The following NRG3 variants were observed in gnomAD, a reference collection of about 807,000 sequenced individuals.
NRG3 encodes the protein neuregulin 3.
A neutral mutation model predicts 66.9 loss-of-function variants in NRG3; 31 were observed. The observed-to-expected ratio is 0.46, with a 90% CI of 0.35 to 0.63. The LOEUF (loss-of-function observed/expected upper bound fraction) is 0.63, where lower values mean the gene tolerates loss of function less well. NRG3 is among the 20% of genes least tolerant of loss of function. NRG3 has a pLI of 0.00. For missense variants in NRG3, 910 were observed against 878.9 expected (o/e 1.04, Z -0.45); for synonymous variants, 393 against 359.4 (o/e 1.09, Z -1.06).
intron 1 of NRG3, among the ~76,000 whole-genome samples, chr10:82,274,864 A>G (rs11193353): frequency 0.29 from 43,828 of 151,790 alleles, 6,490 homozygotes; most frequent in African/African-American, 0.32. Flanking sequence ...ATCAGACAAG[A>G]CAGAATAAAC....
At chr10:82,205,584 T>C (rs1450281053) in intron 1 of NRG3, among the ~76,000 whole-genome samples, 2 of 152,110 alleles carry the variant, frequency 1.3e-5, no homozygotes, top group African/African-American at 4.8e-5. Context: ...AAGTACCAAA[T>C]TCAGGGATAT....
At chr10:82,799,482 C>T (rs1405038461) in intron 3 of NRG3, among the ~76,000 whole-genome samples, 2 of 147,122 alleles carry the variant, frequency 1.4e-5, no homozygotes, top group Admixed American at 7.0e-5. Context: ...GGTGAGATTG[C>T]GCCATTGCAC....
At chr10:82,223,545 A>G (rs1349887443) in intron 1 of NRG3, among the ~76,000 whole-genome samples, 1 of 152,014 alleles carries the variant, frequency 6.6e-6, no homozygotes, top group African/African-American at 2.4e-5. Context: ...ATTTTGAACA[A>G]TGGAAAAAAT....
At chr10:81,877,391 G>A (rs1401452203) in intron 1 of NRG3, among the ~76,000 whole-genome samples, 1 of 152,070 alleles carries the variant, frequency 6.6e-6, no homozygotes, top group Non-Finnish European at 1.5e-5. Flanking sequence ...AAACTGTCTG[G>A]TTATGCTGTC....
At chr10:82,408,633 TTATA>T (rs147352245) in intron 2 of NRG3, among the ~76,000 whole-genome samples, 41 of 122,812 alleles carry the variant, frequency 3.3e-4, no homozygotes, top group African/African-American at 1.0e-3. Flanking sequence ...CATATATATA[TTATA>T]TATATATATA....
At chr10:81,896,264 A>G (rs1387747570) in intron 1 of NRG3, among the ~76,000 whole-genome samples, 3 of 152,080 alleles carry the variant, frequency 2.0e-5, no homozygotes, top group Non-Finnish European at 4.4e-5. Flanking sequence ...ACTGAGTTGT[A>G]TGTCAATCTC....
At chr10:82,075,374 T>C (rs2065034062) in intron 1 of NRG3, among the ~76,000 whole-genome samples, 2 of 152,182 alleles carry the variant, frequency 1.3e-5, no homozygotes, top group African/African-American at 4.8e-5. Context: ...TGTGATCATT[T>C]TGGGAAAGTT....
chr10:82,411,283 A>G (rs2088065930), intron 2 of NRG3, among the ~76,000 whole-genome samples: 1 of 152,152 alleles, frequency 6.6e-6, no homozygotes, highest in Admixed American at 6.6e-5. Context: ...GGAGAAAAAG[A>G]AGGAGGAAAG....
chr10:82,932,122 C>T (rs1847635492), intron 4 of NRG3, among the ~76,000 whole-genome samples: 1 of 152,194 alleles, frequency 6.6e-6, no homozygotes, highest in Non-Finnish European at 1.5e-5. Flanking sequence ...ATCTCCTTCT[C>T]TCCATTCCTT....
intron 1 of NRG3, among the ~76,000 whole-genome samples, chr10:82,025,609 G>A (rs2062264408): frequency 6.6e-6 from 1 of 151,924 alleles, no homozygotes; most frequent in East Asian, 1.9e-4. Context: ...CCCTTAGCAG[G>A]GACTGCCTGT....
chr10:81,981,798 G>C (rs1328332583), intron 1 of NRG3, among the ~76,000 whole-genome samples: 1 of 152,152 alleles, frequency 6.6e-6, no homozygotes, highest in Admixed American at 6.5e-5. Flanking sequence ...CTCCCATCCT[G>C]TAGAATTCTG....
At chr10:82,712,683 C>T (rs2056744475) in intron 2 of NRG3, among the ~76,000 whole-genome samples, 1 of 152,100 alleles carries the variant, frequency 6.6e-6, no homozygotes, top group South Asian at 2.1e-4. Flanking sequence ...GCAGGGCTCA[C>T]TGGAGCCTAA....
chr10:82,054,497 G>T (rs1448973368), intron 1 of NRG3, among the ~76,000 whole-genome samples: 1 of 152,080 alleles, frequency 6.6e-6, no homozygotes, highest in Non-Finnish European at 1.5e-5. Context: ...AGATGTGGGT[G>T]GAGCACATAA....
At chr10:82,088,579 G>T (rs1224388231) in intron 1 of NRG3, among the ~76,000 whole-genome samples, 1 of 152,112 alleles carries the variant, frequency 6.6e-6, no homozygotes, top group Non-Finnish European at 1.5e-5. Context: ...TGTGCAAAGG[G>T]TTCCTTTGAT....
intron 3 of NRG3, among the ~76,000 whole-genome samples, chr10:82,773,785 T>C (rs368636786): frequency 6.6e-6 from 1 of 152,194 alleles, no homozygotes; most frequent in South Asian, 2.1e-4. Flanking sequence ...TTGTACCAGA[T>C]CTTGATAGAA....
At chr10:81,878,167 A>G in intron 1 of NRG3, 1 of 1,337,744 alleles carries the variant, frequency 7.5e-7, no homozygotes, top group Non-Finnish European at 9.9e-7. Context: ...TTTAATAAGT[A>G]ATGATTATTG....
At chr10:82,053,296 T>C (rs1161391940) in intron 1 of NRG3, among the ~76,000 whole-genome samples, 3 of 152,144 alleles carry the variant, frequency 2.0e-5, no homozygotes, top group Non-Finnish European at 4.4e-5. Flanking sequence ...CAAGTGTTTA[T>C]TAAAGGCAGA....
intron 2 of NRG3, among the ~76,000 whole-genome samples, chr10:82,434,284 T>C (rs796211219): frequency 2.6e-4 from 39 of 152,230 alleles, no homozygotes; most frequent in African/African-American, 9.1e-4. Context: ...CTTGTGATTT[T>C]TGCACATTGA....
intron 1 of NRG3, among the ~76,000 whole-genome samples, chr10:82,152,807 C>T (rs986841761): frequency 1.3e-5 from 2 of 150,634 alleles, no homozygotes; most frequent in Non-Finnish European, 3.0e-5. Context: ...CCCACCCTCC[C>T]CTCTCTCTCT....
Sources: allele counts gnomAD v4.1 joint callset (sites outside exome capture counted in the v4.1 genomes callset), GRCh38; gene constraint gnomAD v4.1.1; transcripts MANE v1.5; gene names NCBI Gene and HGNC (gene_info 2026-07-23, HGNC 2026-07-21).